PEX5L: variants seen among roughly 807,000 people sequenced by gnomAD.
PEX5L encodes the protein peroxisomal biogenesis factor 5 like.
PEX5L carries 30 observed loss-of-function variants against 84.0 expected under a neutral mutation model. That is an observed-to-expected ratio of 0.36 (90% CI 0.27 to 0.48). PEX5L has a LOEUF of 0.48. Ranked by LOEUF, PEX5L falls within the 20% of genes least tolerant of loss-of-function variation. PEX5L has a pLI of 0.99. For missense variants in PEX5L, 533 were observed against 754.6 expected, an observed-to-expected ratio of 0.71 and a Z score of 3.44; for synonymous variants, 270 against 283.1, an observed-to-expected ratio of 0.95 and a Z score of 0.46.
At chr3:179,832,494 A>G (rs918199454) in intron 8 of PEX5L, among the ~76,000 whole-genome samples, 1 of 150,294 alleles carries the variant, frequency 6.7e-6, no homozygotes, top group African/African-American at 2.5e-5. Context: ...TTTCCTACTT[A>G]CTTACCCACC....
intron 14 of PEX5L, among the ~76,000 whole-genome samples, chr3:179,805,142 T>C (rs1720745963): frequency 7.1e-6 from 1 of 140,994 alleles, no homozygotes; most frequent in Non-Finnish European, 1.5e-5. Context: ...TCTCACTCGA[T>C]GGTCTTTTTT....
chr3:179,894,961 C>T (rs1228449825), intron 3 of PEX5L, among the ~76,000 whole-genome samples: 3 of 152,032 alleles, frequency 2.0e-5, no homozygotes, highest in South Asian at 2.1e-4. Context: ...AAAGAGAATA[C>T]GTTTATTTCT....
intron 1 of PEX5L, among the ~76,000 whole-genome samples, chr3:179,975,774 C>G (rs1785708175): frequency 6.6e-6 from 1 of 152,176 alleles, no homozygotes; most frequent in Non-Finnish European, 1.5e-5. Context: ...TGCAAAATTG[C>G]TCAGATTTTC....
intron 5 of PEX5L, among the ~76,000 whole-genome samples, chr3:179,879,166 T>C (rs1008939789): frequency 1.3e-5 from 2 of 152,196 alleles, no homozygotes; most frequent in Non-Finnish European, 2.9e-5. Flanking sequence ...GGAAGATTCA[T>C]GTTCCTCTTG....
Position 180,018,828 on chromosome 3 carries a change from A to T in PEX5L, c.21+17751T>A, listed in dbSNP as rs1273768785. Among the ~76,000 whole-genome samples, 4 of 152,278 alleles carry T rather than the reference A, an allele frequency of 2.6e-5. No homozygotes were observed. In the East Asian group the frequency reaches 7.7e-4, roughly 29 times the overall value. ...TCAAAGGGCTCCCCCTGCCTCTGAGATGGCTCTCTAAGGTTGCTGCAGATT... is the reference window on the plus strand; with the variant it reads ...TCAAAGGGCTCCCCCTGCCTCTGAGTTGGCTCTCTAAGGTTGCTGCAGATT... On this transcript the variant is annotated intron_variant, in intron 1 of 14. Coordinates refer to ENST00000467460, the MANE Select transcript of PEX5L (RefSeq NM_016559.3).
chr3:179,885,506 C>T (rs1324216708), intron 4 of PEX5L, among the ~76,000 whole-genome samples: 2 of 152,026 alleles, frequency 1.3e-5, no homozygotes, highest in South Asian at 2.1e-4. Context: ...ATCAGCCAGT[C>T]GTGGTGGCAG....
intron 8 of PEX5L, among the ~76,000 whole-genome samples, chr3:179,853,588 G>A (rs187576113): frequency 2.7e-4 from 41 of 152,262 alleles, no homozygotes; most frequent in African/African-American, 9.6e-4. Flanking sequence ...AGTGGACAGT[G>A]CATTTAGGCT....
chr3:180,009,196 T>C (rs1242487918), intron 1 of PEX5L, among the ~76,000 whole-genome samples: 1 of 152,246 alleles, frequency 6.6e-6, no homozygotes, highest in Non-Finnish European at 1.5e-5. Flanking sequence ...TATGGATTCA[T>C]TCACTAAACA....
chr3:180,021,009 A>C (rs1289773870), intron 1 of PEX5L, among the ~76,000 whole-genome samples: 2 of 152,160 alleles, frequency 1.3e-5, no homozygotes, highest in Non-Finnish European at 2.9e-5. Context: ...CACCCCACCA[A>C]GAAGTAGGGT....
chr3:180,003,384 TAAAAAAAAGA>T (rs1553926162), intron 1 of PEX5L, among the ~76,000 whole-genome samples: 6 of 149,764 alleles, frequency 4.0e-5, no homozygotes, highest in Admixed American at 6.7e-5. Context: ...GACTGGGCAC[TAAAAAAAAGA>T]AAAAAAAAGA....
At chr3:179,864,971 C>T (rs945391384) in intron 7 of PEX5L, among the ~76,000 whole-genome samples, 1 of 152,152 alleles carries the variant, frequency 6.6e-6, no homozygotes, top group Non-Finnish European at 1.5e-5. Context: ...TAAGATACAA[C>T]CTCACTTTCC....
chr3:179,833,628 C>A (rs749957510), intron 8 of PEX5L, among the ~76,000 whole-genome samples: 21 of 152,236 alleles, frequency 1.4e-4, no homozygotes, highest in Non-Finnish European at 2.5e-4. Flanking sequence ...TGATTCCACT[C>A]TCAGCCTCTT....
chr3:179,992,472 A>G (rs1358737471), intron 1 of PEX5L, among the ~76,000 whole-genome samples: 1 of 152,238 alleles, frequency 6.6e-6, no homozygotes, highest in Non-Finnish European at 1.5e-5. Flanking sequence ...AGCGGTTAGC[A>G]TAATTATGAT....
chr3:179,879,951 C>A lies in PEX5L; in HGVS notation c.483G>T (p.Pro161=). The A allele has an allele frequency of 1.2e-6, 2 of 1,601,270 alleles. No individual in the cohort carries two copies. Among genetic ancestry groups the A allele is most frequent in the Non-Finnish European group, 1.7e-6 (2 of 1,175,228 alleles). ...TACCTAGATCTAAGGATGAAGTCTC[C>A]GGGACTCTGAGAGGCTGGCCTCTCT... ...AEQRGQPLRV[P]ETSSLDLDIQ... is the part of the protein sequence containing the mutation. The change falls in exon 5 of 15, where the codon CCG becomes CCT. Residue 161 remains proline, a synonymous_variant. Transcript: ENST00000467460.
chr3:179,971,243 G>T (rs1313653900), intron 2 of PEX5L, among the ~76,000 whole-genome samples: 1 of 151,882 alleles, frequency 6.6e-6, no homozygotes, highest in Non-Finnish European at 1.5e-5. Context: ...TAATGGCAGT[G>T]TTTCTCATTT....
intron 7 of PEX5L, among the ~76,000 whole-genome samples, chr3:179,871,712 G>A (rs1750458693): frequency 6.6e-6 from 1 of 152,112 alleles, no homozygotes; most frequent in South Asian, 2.1e-4. Context: ...CAATATGGCT[G>A]TTTCTGTTCC....
At chr3:179,850,656 T>A (rs1741471406) in intron 8 of PEX5L, among the ~76,000 whole-genome samples, 1 of 152,224 alleles carries the variant, frequency 6.6e-6, no homozygotes, top group Non-Finnish European at 1.5e-5. Context: ...TTAGCTAACA[T>A]GACAAACCAA....
At chr3:179,887,083 C>T (rs1485868675) in intron 4 of PEX5L, among the ~76,000 whole-genome samples, 3 of 152,090 alleles carry the variant, frequency 2.0e-5, no homozygotes, top group African/African-American at 4.8e-5. Flanking sequence ...TATTGAGTGC[C>T]GATTCCTATA....
At chr3:179,973,394 A>C in intron 1 of PEX5L, 6 of 1,107,966 alleles carry the variant, frequency 5.4e-6, no homozygotes, top group Non-Finnish European at 6.7e-6. Flanking sequence ...CTTTGTAAAC[A>C]TTGTGAAATT....
Sources: gnomAD v4.1 joint callset for allele counts (sites outside exome capture counted in the v4.1 genomes callset) on GRCh38, gnomAD v4.1.1 for gene constraint, MANE v1.5 for transcripts, NCBI Gene and HGNC (gene_info 2026-07-23, HGNC 2026-07-21) for gene names.